Variants in TMIGD3 observed in about 807,000 individuals in gnomAD.
TMIGD3 encodes transmembrane and immunoglobulin domain containing 3.
Under a neutral mutation model 28.1 loss-of-function variants are expected in TMIGD3, and 21 were observed. That is an observed-to-expected ratio of 0.75 (90% CI 0.53 to 1.08). The LOEUF (loss-of-function observed/expected upper bound fraction) is 1.08, where lower values mean the gene tolerates loss of function less well. Ranked by LOEUF, TMIGD3 falls within the 50% of genes least tolerant of loss-of-function variation. TMIGD3 has a pLI of 0.00. For missense variants in TMIGD3, 416 were observed against 435.6 expected, an observed-to-expected ratio of 0.96 and a Z score of 0.40; for synonymous variants, 151 against 162.1, an observed-to-expected ratio of 0.93 and a Z score of 0.52.
intron 1 of TMIGD3, among the ~76,000 whole-genome samples, chr1:111,555,142 G>C (rs1308064761): frequency 6.6e-6 from 1 of 151,942 alleles, no homozygotes; most frequent in South Asian, 2.1e-4. Context: ...GAGGCAAGAG[G>C]ATCAGTTGAG....
At chr1:111,524,013 T>G (rs1252524034) in intron 1 of TMIGD3, among the ~76,000 whole-genome samples, 3 of 144,944 alleles carry the variant, frequency 2.1e-5, no homozygotes, top group African/African-American at 7.5e-5. Flanking sequence ...TCTTGTTTCT[T>G]TCTTTCTTTC....
At chr1:111,546,665 C>G (rs778531137) in intron 1 of TMIGD3, among the ~76,000 whole-genome samples, 1 of 152,144 alleles carries the variant, frequency 6.6e-6, no homozygotes, top group Non-Finnish European at 1.5e-5. Flanking sequence ...TTTATCAATT[C>G]ATCCATTGAT....
Position 111,503,529 on chromosome 1 carries a change from C to G in TMIGD3, c.-175G>C, listed in dbSNP as rs577559280. On this transcript the variant is annotated 5_prime_UTR_variant, in exon 1 of 6. Transcript: ENST00000369716. ...TCTGGTGGGGTGATCTCTTGGAAAC[C>G]CTTCTCCTTAGAAAGGGCTCATCAC... 1 of 1,424,972 alleles carries G rather than the reference C, an allele frequency of 7.0e-7. No homozygotes were observed. The highest frequency in any genetic ancestry group is 2.9e-5 in the Admixed American group (1 of 34,714). The allele number at this position is 1,424,972 out of a possible 1,614,324, so 88.3% of individuals were successfully genotyped here.
At chr1:111,494,158 G>T (rs1654785639) in intron 1 of TMIGD3, among the ~76,000 whole-genome samples, 1 of 152,204 alleles carries the variant, frequency 6.6e-6, no homozygotes, top group African/African-American at 2.4e-5. Context: ...GCTATCTTAA[G>T]CCAGAAAGCC....
At chr1:111,485,606 T>C in intron 5 of TMIGD3, 134 bp downstream of exon 5, 2 of 660,936 alleles carry the variant, frequency 3.0e-6, no homozygotes, top group Non-Finnish European at 2.6e-6. Context: ...CCCCAGCCCA[T>C]GGCTGGCTGC....
intron 1 of TMIGD3, among the ~76,000 whole-genome samples, chr1:111,519,020 C>G (rs1329201954): frequency 1.3e-5 from 2 of 152,112 alleles, no homozygotes; most frequent in South Asian, 2.1e-4. Context: ...CTCACCGCAA[C>G]CTCTGCCTCC....
In TMIGD3 at chr1:111,563,560, G is replaced by A. The variant is rs530283059; in HGVS notation, c.107+286C>T. ...GTTATATACAATAAATTCAGTGATC[G>A]AAGGTGTAGGGTAGGTAGACAAGAG... is the stretch of plus-strand genomic sequence containing the variant. On this transcript the variant is annotated intron_variant, in intron 1 of 5. Coordinates refer to the TMIGD3 transcript ENST00000369717. 8.2e-4 allele frequency among the ~76,000 whole-genome samples: 125 copies of A among 152,276 alleles called. 4 individuals are homozygous for A. The South Asian group carries it at 0.023, about 28-fold the overall frequency.
intron 1 of TMIGD3, among the ~76,000 whole-genome samples, chr1:111,497,886 T>C (rs533389470): frequency 1.3e-5 from 2 of 152,274 alleles, no homozygotes; most frequent in South Asian, 4.1e-4. Context: ...AAGCTGTTTG[T>C]AAATTAAGAA....
At chr1:111,522,322 T>C (rs981649941) in intron 1 of TMIGD3, among the ~76,000 whole-genome samples, 1 of 152,230 alleles carries the variant, frequency 6.6e-6, no homozygotes, top group African/African-American at 2.4e-5. Flanking sequence ...TTTGATTGGA[T>C]TGTGTTAAAT....
chr1:111,484,200 G>A (rs952498313), intron 5 of TMIGD3, among the ~76,000 whole-genome samples: 33 of 152,254 alleles, frequency 2.2e-4, no homozygotes, highest in Admixed American at 5.2e-4. Context: ...GTTACATTTG[G>A]GTGTTGATGT....
At chr1:111,513,980 A>G (rs1655777101) in intron 1 of TMIGD3, among the ~76,000 whole-genome samples, 1 of 152,196 alleles carries the variant, frequency 6.6e-6, no homozygotes, top group South Asian at 2.1e-4. Flanking sequence ...CAAGAATCTC[A>G]GGGAGGAGGG....
chr1:111,502,258 A>AT (rs1655254210), intron 1 of TMIGD3, among the ~76,000 whole-genome samples: 1 of 75,114 alleles, frequency 1.3e-5, no homozygotes, highest in African/African-American at 5.1e-5. Context: ...TATTATAATA[A>AT]ATATATAGGA....
chr1:111,533,129 A>G (rs1413318328), intron 1 of TMIGD3, among the ~76,000 whole-genome samples: 1 of 152,198 alleles, frequency 6.6e-6, no homozygotes, highest in African/African-American at 2.4e-5. Flanking sequence ...CTGTCCCCCA[A>G]AAGGATAATT....
intron 1 of TMIGD3, among the ~76,000 whole-genome samples, chr1:111,547,194 A>G (rs1196307785): frequency 9.2e-5 from 14 of 152,144 alleles, no homozygotes; most frequent in Non-Finnish European, 1.9e-4. Context: ...GAAATTTTCA[A>G]CCTTTCACCA....
Position 111,490,677 on chromosome 1 carries a change from G to A in TMIGD3, c.436C>T (p.Leu146Phe), listed in dbSNP as rs972398429. 8.7e-6 allele frequency: 14 copies of A among 1,613,428 alleles called. No homozygotes were observed. The highest frequency in any genetic ancestry group is 2.2e-5 in the South Asian group (2 of 91,064). The stretch of plus-strand genomic sequence containing the variant: ...CTACCTGAAATGAGAGCCAAGGAGA[G>A]TAGAATGAAGAGCCACATGACTGGA... ...FLPVMWLFIL[L>F]SLALISDAMV... Residue 146 changes from leucine (L) to phenylalanine (F), a missense_variant, in exon 2 of 6, where the codon CTC becomes TTC. Transcript: ENST00000369716.
chr1:111,546,768 T>C (rs1257650839), intron 1 of TMIGD3, among the ~76,000 whole-genome samples: 3 of 152,194 alleles, frequency 2.0e-5, no homozygotes, highest in Non-Finnish European at 4.4e-5. Context: ...CTACTTTTAA[T>C]GATCTTAGAT....
chr1:111,561,228 A>T (rs541412649), intron 1 of TMIGD3, among the ~76,000 whole-genome samples: 2 of 152,096 alleles, frequency 1.3e-5, no homozygotes, highest in South Asian at 4.1e-4. Flanking sequence ...GGCTTAGATG[A>T]TCCTCCCACT....
At chr1:111,561,048 G>A (rs1007646231) in intron 1 of TMIGD3, among the ~76,000 whole-genome samples, 6 of 152,216 alleles carry the variant, frequency 3.9e-5, no homozygotes, top group African/African-American at 1.2e-4. Flanking sequence ...TGACTTGAAA[G>A]AGGACCATAC....
At chr1:111,546,012 G>C (rs1413305808) in intron 1 of TMIGD3, among the ~76,000 whole-genome samples, 4 of 152,090 alleles carry the variant, frequency 2.6e-5, no homozygotes, top group Admixed American at 1.3e-4. Context: ...ATACCCTTTA[G>C]AATACTGTAG....
Sources: allele counts gnomAD v4.1 joint callset (sites outside exome capture counted in the v4.1 genomes callset), GRCh38; gene constraint gnomAD v4.1.1; transcripts MANE v1.5; gene names NCBI Gene and HGNC (gene_info 2026-07-23, HGNC 2026-07-21).